The following ATP11A variants were observed in gnomAD, a reference collection of about 807,000 sequenced individuals.
The protein encoded by ATP11A is ATPase phospholipid transporting 11A.
Under a neutral mutation model 154.4 loss-of-function variants are expected in ATP11A, and 81 were observed. That is an observed-to-expected ratio of 0.52 (90% CI 0.44 to 0.63). The LOEUF is 0.63. Ranked by LOEUF, ATP11A falls within the 30% of genes least tolerant of loss-of-function variation. The pLI, the probability that ATP11A is intolerant of heterozygous loss-of-function variation, is 0.00. For synonymous variants in ATP11A, 623 were observed against 585.9 expected (o/e 1.06, Z -0.91); for missense variants, 1,316 against 1,474.3 (o/e 0.89, Z 1.76).
At chr13:112,822,135 A>G (rs907682962) in intron 8 of ATP11A, among the ~76,000 whole-genome samples, 4 of 152,258 alleles carry the variant, frequency 2.6e-5, no homozygotes, top group African/African-American at 9.6e-5. Flanking sequence ...ATGATAAATG[A>G]AAAGCAAACT....
intron 18 of ATP11A, among the ~76,000 whole-genome samples, chr13:112,853,390 A>G (rs569371963): frequency 2.0e-5 from 3 of 152,264 alleles, no homozygotes; most frequent in South Asian, 2.1e-4. Flanking sequence ...ACTTTTAGCT[A>G]GGAAGTTCTT....
intron 1 of ATP11A, among the ~76,000 whole-genome samples, chr13:112,755,433 C>CA (rs1355136222): frequency 6.6e-6 from 1 of 152,218 alleles, no homozygotes; most frequent in Non-Finnish European, 1.5e-5. Context: ...GGGCGCTTGC[C>CA]AGAGGACGGC....
intron 1 of ATP11A, among the ~76,000 whole-genome samples, chr13:112,701,163 C>T (rs145195214): frequency 6.6e-6 from 1 of 152,190 alleles, no homozygotes; most frequent in African/African-American, 2.4e-5. Flanking sequence ...CTCCACGGTC[C>T]TTTCTACCAT....
intron 1 of ATP11A, among the ~76,000 whole-genome samples, chr13:112,771,710 G>A (rs931137712): frequency 1.3e-5 from 2 of 152,292 alleles, no homozygotes; most frequent in East Asian, 1.9e-4. Context: ...GGTGCTTCCC[G>A]TCACTCGGGT....
chr13:112,863,175 G>T (rs2080176538), intron 25 of ATP11A, among the ~76,000 whole-genome samples: 3 of 150,048 alleles, frequency 2.0e-5, no homozygotes, highest in African/African-American at 7.4e-5. Context: ...CTTCCCAGCG[G>T]GGTCCATCAC....
At chr13:112,728,383 C>A (rs1447472579) in intron 1 of ATP11A, among the ~76,000 whole-genome samples, 1 of 147,530 alleles carries the variant, frequency 6.8e-6, no homozygotes, top group East Asian at 2.1e-4. Flanking sequence ...TGTGGAGGGG[C>A]CATGAGACTG....
chr13:112,820,177 A>G (rs1247012616), intron 8 of ATP11A, among the ~76,000 whole-genome samples: 1 of 151,962 alleles, frequency 6.6e-6, no homozygotes, highest in Non-Finnish European at 1.5e-5. Flanking sequence ...TTCGCGCAAG[A>G]CTCTGCCGAG....
rs572961903 is a variant in ATP11A at position 112,758,756 on chromosome 13, C to T, written c.40-26379C>T. ...TTAAATCTATCTTGCTAGCTCCTCT[C>T]GCACTTGAAATCAAATACTCCAGCA... On this transcript the variant is annotated intron_variant, in intron 1 of 29. Coordinates refer to ENST00000375645, the MANE Select transcript of ATP11A (RefSeq NM_015205.3). 4.6e-5 allele frequency among the ~76,000 whole-genome samples: 7 copies of T among 152,344 alleles called. No homozygotes were observed. In the East Asian group the frequency reaches 7.7e-4, roughly 17 times the overall value.
At chr13:112,751,411 G>A (rs2076687301) in intron 1 of ATP11A, among the ~76,000 whole-genome samples, 2 of 152,156 alleles carry the variant, frequency 1.3e-5, no homozygotes, top group Admixed American at 1.3e-4. Context: ...TGTAAACCCA[G>A]CACTTTGGGA....
chr13:112,700,030 A>G (rs905994755), intron 1 of ATP11A, among the ~76,000 whole-genome samples: 1 of 144,960 alleles, frequency 6.9e-6, no homozygotes, highest in Non-Finnish European at 1.5e-5. Context: ...GTCACATCTC[A>G]TGTGACAAAG....
intron 17 of ATP11A, among the ~76,000 whole-genome samples, chr13:112,848,589 T>C (rs182723932): frequency 6.6e-6 from 1 of 152,392 alleles, no homozygotes; most frequent in Admixed American, 6.5e-5. Flanking sequence ...TAATACTCTG[T>C]TGAATAGAAG....
intron 1 of ATP11A, among the ~76,000 whole-genome samples, chr13:112,755,053 A>G (rs1333027542): frequency 6.6e-6 from 1 of 152,216 alleles, no homozygotes; most frequent in Non-Finnish European, 1.5e-5. Flanking sequence ...TCGTCAGTCC[A>G]TGGCTCAGGA....
intron 1 of ATP11A, among the ~76,000 whole-genome samples, chr13:112,705,562 G>T (rs1483531130): frequency 1.3e-5 from 2 of 152,176 alleles, no homozygotes; most frequent in Admixed American, 6.5e-5. Context: ...GAAGGGAAGG[G>T]TGTCCGGGAC....
At chr13:112,854,615 C>T (rs1011190654) in intron 19 of ATP11A, 85 bp downstream of exon 19, 125 of 1,470,824 alleles carry the variant, frequency 8.5e-5, no homozygotes, top group Non-Finnish European at 1.1e-4. Flanking sequence ...AGTCGGGGAG[C>T]CGCATTGTCT....
chr13:112,836,142 G>A (rs527682086), intron 15 of ATP11A, 36 bp from the exon 16 acceptor site: 53 of 1,512,816 alleles, frequency 3.5e-5, no homozygotes, highest in African/African-American at 1.2e-4. Context: ...GTGAGCACCC[G>A]TGTGGACGGT....
chr13:112,768,175 G>A (rs142156987), intron 1 of ATP11A, among the ~76,000 whole-genome samples: 8 of 152,342 alleles, frequency 5.3e-5, no homozygotes, highest in South Asian at 2.1e-4. Context: ...CCAAGATTGC[G>A]TGGAGCCCGG....
At chr13:112,791,695 G>A (rs914168377) in intron 2 of ATP11A, among the ~76,000 whole-genome samples, 1 of 152,054 alleles carries the variant, frequency 6.6e-6, no homozygotes, top group Admixed American at 6.5e-5. Context: ...GCTTCGCTCC[G>A]CCTGGCCCTG....
At chr13:112,757,505 C>T (rs1194546818) in intron 1 of ATP11A, among the ~76,000 whole-genome samples, 1 of 152,138 alleles carries the variant, frequency 6.6e-6, no homozygotes, top group African/African-American at 2.4e-5. Flanking sequence ...CCACATTTTA[C>T]TTTGTGTTTC....
chr13:112,756,921 G>T (rs945576645), intron 1 of ATP11A, among the ~76,000 whole-genome samples: 3 of 147,686 alleles, frequency 2.0e-5, no homozygotes, highest in African/African-American at 7.7e-5. Context: ...TGCTCCTAAC[G>T]CATCCACTAC....
Sources: gnomAD v4.1 joint callset for allele counts (sites outside exome capture counted in the v4.1 genomes callset) on GRCh38, gnomAD v4.1.1 for gene constraint, MANE v1.5 for transcripts, NCBI Gene and HGNC (gene_info 2026-07-23, HGNC 2026-07-21) for gene names.